The following CNTN5 variants were observed in gnomAD, a reference collection of about 807,000 sequenced individuals.
CNTN5 encodes contactin-5.
CNTN5 carries 77 observed loss-of-function variants against 129.1 expected under a neutral mutation model. The observed-to-expected ratio is 0.60, with a 90% CI of 0.50 to 0.72. The LOEUF (loss-of-function observed/expected upper bound fraction) is 0.72, where lower values mean the gene tolerates loss of function less well. CNTN5 is among the 30% of genes least tolerant of loss of function. The pLI is 0.00. For missense variants in CNTN5, 1,478 were observed against 1,328.8 expected, an observed-to-expected ratio of 1.11 and a Z score of -1.75; for synonymous variants, 509 against 465.6, an observed-to-expected ratio of 1.09 and a Z score of -1.20.
chr11:99,081,977 T>G (rs1865819014), intron 1 of CNTN5, among the ~76,000 whole-genome samples: 1 of 151,332 alleles, frequency 6.6e-6, no homozygotes, highest in Non-Finnish European at 1.5e-5. Flanking sequence ...TTTAAAAATC[T>G]ATGTAATGAA....
intron 2 of CNTN5, among the ~76,000 whole-genome samples, chr11:99,357,079 G>T (rs1326289853): frequency 6.6e-6 from 1 of 152,066 alleles, no homozygotes; most frequent in African/African-American, 2.4e-5. Flanking sequence ...ACCCAGTAAG[G>T]TACATTTTAA....
chr11:100,176,182 G>A (rs924569118), intron 13 of CNTN5, among the ~76,000 whole-genome samples: 1 of 151,826 alleles, frequency 6.6e-6, no homozygotes, highest in African/African-American at 2.4e-5. Context: ...ACCATGTCCA[G>A]CTAATTTTTG....
At chr11:99,404,330 T>A (rs1941974206) in intron 2 of CNTN5, among the ~76,000 whole-genome samples, 2 of 152,002 alleles carry the variant, frequency 1.3e-5, no homozygotes, top group South Asian at 2.1e-4. Context: ...AAAAATTTAG[T>A]CCATTTACAT....
At chr11:99,688,732 C>T (rs1591481875) in intron 3 of CNTN5, among the ~76,000 whole-genome samples, 1 of 152,200 alleles carries the variant, frequency 6.6e-6, no homozygotes, top group East Asian at 1.9e-4. Context: ...CATTCATTAG[C>T]TATTCTTCTT....
intron 3 of CNTN5, among the ~76,000 whole-genome samples, chr11:99,666,476 T>C (rs1952797682): frequency 6.6e-6 from 1 of 152,122 alleles, no homozygotes; most frequent in African/African-American, 2.4e-5. Flanking sequence ...GCTTTCCTAT[T>C]GCTTCTGCAA....
chr11:99,852,357 C>G (rs1050108241), intron 6 of CNTN5, among the ~76,000 whole-genome samples: 9 of 152,102 alleles, frequency 5.9e-5, no homozygotes, highest in African/African-American at 2.2e-4. Flanking sequence ...CTTTAAAATA[C>G]TGTATAGATG....
In CNTN5 at chr11:99,916,118, T is replaced by A; in HGVS notation, c.642T>A (p.Val214=). The change falls in exon 7 of 25, where the codon GTT becomes GTA. Residue 214 remains valine, a synonymous_variant. Coordinates refer to ENST00000524871, the MANE Select transcript of CNTN5 (RefSeq NM_014361.4). The stretch of plus-strand genomic sequence containing the variant: ...CTGTGAGGGAAGGCCAGGGTGTCGT[T>A]CTGATGTGCTCTCCTCCGCCACATT... ...AVSVREGQGV[V]LMCSPPPHSP... 6.2e-7 allele frequency: 1 copy of A among 1,612,368 alleles called. No individual in the cohort carries two copies. The highest frequency in any genetic ancestry group is 8.5e-7 in the Non-Finnish European group (1 of 1,179,172).
At chr11:99,988,107 C>T (rs1565758594) in intron 8 of CNTN5, among the ~76,000 whole-genome samples, 2 of 152,132 alleles carry the variant, frequency 1.3e-5, no homozygotes, top group Non-Finnish European at 2.9e-5. Context: ...GCTTTGAAAT[C>T]CACAAGAGTT....
chr11:99,171,108 A>G (rs542280261), intron 1 of CNTN5, among the ~76,000 whole-genome samples: 1 of 152,254 alleles, frequency 6.6e-6, no homozygotes, highest in African/African-American at 2.4e-5. Flanking sequence ...TATTGCACGT[A>G]TCTAACTTAA....
chr11:100,332,366 C>T (rs780089978), intron 21 of CNTN5, among the ~76,000 whole-genome samples: 5 of 151,796 alleles, frequency 3.3e-5, no homozygotes, highest in Admixed American at 6.6e-5. Flanking sequence ...AAAAAAAAGT[C>T]GAGGATCACA....
At chr11:99,964,822 T>G (rs1218476697) in intron 8 of CNTN5, among the ~76,000 whole-genome samples, 1 of 152,186 alleles carries the variant, frequency 6.6e-6, no homozygotes, top group African/African-American at 2.4e-5. Context: ...CTATTAATTA[T>G]TGCCTCAATT....
chr11:99,090,015 A>G (rs1310574286), intron 1 of CNTN5, among the ~76,000 whole-genome samples: 1 of 152,156 alleles, frequency 6.6e-6, no homozygotes, highest in Non-Finnish European at 1.5e-5. Context: ...CACTTTTTAG[A>G]AAAATTCTGT....
At chr11:100,123,803 T>G (rs1285863627) in intron 13 of CNTN5, among the ~76,000 whole-genome samples, 4 of 152,024 alleles carry the variant, frequency 2.6e-5, no homozygotes, top group Admixed American at 1.3e-4. Flanking sequence ...AATATTACTA[T>G]AAAATTGAGT....
chr11:100,158,464 T>G (rs984451499), intron 13 of CNTN5, among the ~76,000 whole-genome samples: 6 of 151,958 alleles, frequency 3.9e-5, no homozygotes, highest in African/African-American at 1.4e-4. Flanking sequence ...TCATGTTGTT[T>G]ACTTTGAATA....
chr11:99,387,984 T>C (rs1279586668), intron 2 of CNTN5, among the ~76,000 whole-genome samples: 4 of 152,118 alleles, frequency 2.6e-5, no homozygotes, highest in African/African-American at 9.7e-5. Flanking sequence ...CTCCAGTTGA[T>C]TCCAGTGTGC....
At chr11:99,525,093 A>G (rs1947434496) in intron 2 of CNTN5, among the ~76,000 whole-genome samples, 1 of 152,162 alleles carries the variant, frequency 6.6e-6, no homozygotes, top group Non-Finnish European at 1.5e-5. Context: ...ACACATTGTC[A>G]TATTTTCCTA....
intron 13 of CNTN5, among the ~76,000 whole-genome samples, chr11:100,146,419 C>G (rs987083443): frequency 1.3e-5 from 2 of 151,744 alleles, no homozygotes; most frequent in African/African-American, 2.4e-5. Context: ...ATTTAAATAC[C>G]CTTTGTGTTT....
intron 18 of CNTN5, 70 bp downstream of exon 18, chr11:100,271,311 C>T: frequency 1.8e-6 from 2 of 1,121,866 alleles, no homozygotes; most frequent in Non-Finnish European, 2.5e-6. Flanking sequence ...TTGAATTAAC[C>T]ATGATTGCTC....
At chr11:100,234,491 C>A (rs58443212) in intron 16 of CNTN5, among the ~76,000 whole-genome samples, 8,380 of 152,032 alleles carry the variant, frequency 0.055, 772 homozygotes, top group African/African-American at 0.19. Flanking sequence ...CATGTCTTTG[C>A]AGGGACATGG....
Sources: gnomAD v4.1 joint callset for allele counts (sites outside exome capture counted in the v4.1 genomes callset) on GRCh38, gnomAD v4.1.1 for gene constraint, MANE v1.5 for transcripts, NCBI Gene and HGNC (gene_info 2026-07-23, HGNC 2026-07-21) for gene names.